CDH4: variants seen among roughly 807,000 people sequenced by gnomAD.
The protein encoded by CDH4 is cadherin-4.
A neutral mutation model predicts 86.0 loss-of-function variants in CDH4; 33 were observed. The ratio of observed to expected loss-of-function variants is 0.38; its 90% CI spans 0.29 to 0.51. The LOEUF (loss-of-function observed/expected upper bound fraction) is 0.51, where lower values mean the gene tolerates loss of function less well. CDH4 is among the 20% of genes least tolerant of loss of function. The pLI is 0.86. For synonymous variants in CDH4, 555 were observed against 549.4 expected (o/e 1.01, Z -0.14); for missense variants, 1,114 against 1,307.4 (o/e 0.85, Z 2.28).
chr20:61,863,117 G>A (rs112234026), intron 6 of CDH4, among the ~76,000 whole-genome samples: 4 of 152,324 alleles, frequency 2.6e-5, no homozygotes, highest in Non-Finnish European at 5.9e-5. Flanking sequence ...TGCAATTGAA[G>A]GCTTGTGAAA....
At chr20:61,633,972 C>T (rs1216832571) in intron 2 of CDH4, among the ~76,000 whole-genome samples, 1 of 152,186 alleles carries the variant, frequency 6.6e-6, no homozygotes, top group African/African-American at 2.4e-5. Flanking sequence ...AAAACACCAC[C>T]ACCAATCCCA....
At chr20:61,373,131 G>A (rs1185122998) in intron 2 of CDH4, among the ~76,000 whole-genome samples, 1 of 152,260 alleles carries the variant, frequency 6.6e-6, no homozygotes. Flanking sequence ...GGCAGCAGCT[G>A]TCCCTTAACT....
chr20:61,590,732 G>A (rs1006535472), intron 2 of CDH4, among the ~76,000 whole-genome samples: 2 of 152,112 alleles, frequency 1.3e-5, no homozygotes, highest in African/African-American at 4.8e-5. Context: ...CGGGACTGCA[G>A]TTATCACACC....
chr20:61,430,332 C>G (rs898608295), intron 2 of CDH4, among the ~76,000 whole-genome samples: 1 of 152,202 alleles, frequency 6.6e-6, no homozygotes, highest in African/African-American at 2.4e-5. Context: ...CAACCTCCCC[C>G]ACACCTGAGT....
intron 2 of CDH4, among the ~76,000 whole-genome samples, chr20:61,525,504 C>A (rs2085903310): frequency 1.3e-5 from 2 of 152,120 alleles, no homozygotes; most frequent in African/African-American, 4.8e-5. Flanking sequence ...GCCGTGAACC[C>A]AGGAAGTGTT....
chr20:61,271,064 C>A (rs1257217719), intron 2 of CDH4, among the ~76,000 whole-genome samples: 1 of 152,084 alleles, frequency 6.6e-6, no homozygotes, highest in African/African-American at 2.4e-5. Context: ...CAGTGACAGG[C>A]TTTTGGTAGA....
chr20:61,794,142 C>CAAAAAAA (rs59426596), intron 4 of CDH4, among the ~76,000 whole-genome samples: 1 of 121,648 alleles, frequency 8.2e-6, no homozygotes, highest in African/African-American at 3.2e-5. Context: ...GACTCTATCT[C>CAAAAAAA]AAAAAAAAAA....
intron 10 of CDH4, 30 bp from the exon 11 acceptor site, chr20:61,924,304 T>TCCCCCC: frequency 6.3e-7 from 1 of 1,574,844 alleles, no homozygotes; most frequent in South Asian, 1.1e-5. Context: ...CCCCCAGCCT[T>TCCCCCC]ACCTCCCCCT....
intron 9 of CDH4, among the ~76,000 whole-genome samples, chr20:61,921,225 A>G (rs2054979464): frequency 7.0e-6 from 1 of 142,958 alleles, no homozygotes; most frequent in African/African-American, 2.7e-5. Flanking sequence ...ACTGTGTCAC[A>G]GTAATTGCAT....
At chr20:61,836,829 G>A (rs887018282) in intron 4 of CDH4, among the ~76,000 whole-genome samples, 25 of 152,218 alleles carry the variant, frequency 1.6e-4, no homozygotes, top group African/African-American at 6.0e-4. Flanking sequence ...GCTGGACGGG[G>A]TTACAATTTT....
At chr20:61,766,768 C>T (rs539081871) in intron 3 of CDH4, among the ~76,000 whole-genome samples, 1 of 152,338 alleles carries the variant, frequency 6.6e-6, no homozygotes, top group Non-Finnish European at 1.5e-5. Context: ...TCCTGTGCCA[C>T]TGTCTGTGCC....
At chr20:61,291,216 C>T (rs1005605790) in intron 2 of CDH4, among the ~76,000 whole-genome samples, 3 of 152,202 alleles carry the variant, frequency 2.0e-5, no homozygotes, top group African/African-American at 7.2e-5. Context: ...TGGTGGCCTC[C>T]AAAAGATATG....
intron 7 of CDH4, among the ~76,000 whole-genome samples, chr20:61,885,147 C>T (rs934521173): frequency 6.6e-6 from 1 of 152,096 alleles, no homozygotes; most frequent in African/African-American, 2.4e-5. Flanking sequence ...CACGTTCGTG[C>T]CTGTGCCTTG....
chr20:61,725,738 G>T (rs960395576), intron 2 of CDH4, among the ~76,000 whole-genome samples: 1 of 152,034 alleles, frequency 6.6e-6, no homozygotes, highest in Non-Finnish European at 1.5e-5. Context: ...AGACACAAGG[G>T]GGGAGGAGGC....
chr20:61,671,129 A>T lies in CDH4; in HGVS notation c.170-72434A>T, dbSNP rs1600859433. 2.1e-5 allele frequency among the ~76,000 whole-genome samples: 3 copies of T among 142,882 alleles called. No individual in the cohort carries two copies. In the South Asian group the frequency reaches 6.3e-4, roughly 30 times the overall value. 93.7% of individuals were successfully genotyped at this position (142,882 alleles called of 152,430 possible). On this transcript the variant is annotated intron_variant, in intron 2 of 15. Transcript: ENST00000614565. ...GGATGATGAATAGGTGGATGGGTGG[A>T]TGCATGATGGTTGGGTGGATGGGTG...
intron 2 of CDH4, among the ~76,000 whole-genome samples, chr20:61,652,938 A>ATTTATTTATTT (rs1555819716): frequency 2.1e-5 from 2 of 97,402 alleles, no homozygotes; most frequent in Non-Finnish European, 4.7e-5. Context: ...TTATTTATTT[A>ATTTATTTATTT]TTTTTTTTTT....
intron 2 of CDH4, among the ~76,000 whole-genome samples, chr20:61,405,786 C>G (rs541553618): frequency 9.2e-5 from 14 of 152,132 alleles, no homozygotes; most frequent in African/African-American, 3.4e-4. Flanking sequence ...CTCCGCCTCC[C>G]TGGTTCACGC....
rs981620209 is a variant in CDH4, at chr20:61,708,273, C to T, written c.170-35290C>T. ...GCAGGGGGTTGACTTTTACCCCGAA[C>T]CAGATGTACCAAGCACCCCGCTGAC... On this transcript the variant is annotated intron_variant, in intron 2 of 15. Transcript: ENST00000614565. The surrounding 1 kb of genome is among the most constrained non-coding windows in gnomAD (Gnocchi z 4.5). Among the ~76,000 whole-genome samples the T allele has an allele frequency of 6.6e-6, 1 of 152,052 alleles. No individual in the cohort carries two copies. Among genetic ancestry groups the T allele is most frequent in the African/African-American group, 2.4e-5 (1 of 41,402 alleles).
intron 2 of CDH4, among the ~76,000 whole-genome samples, chr20:61,565,215 C>CCTCTTGGTGATGG (rs2086267597): frequency 4.9e-5 from 2 of 41,168 alleles, no homozygotes; most frequent in Non-Finnish European, 9.0e-5. Flanking sequence ...GCGGTGCTCT[C>CCTCTTGGTGATGG]GGTGGTAGGT....
Sources: allele counts gnomAD v4.1 joint callset (sites outside exome capture counted in the v4.1 genomes callset), GRCh38; gene constraint gnomAD v4.1.1; non-coding constraint Gnocchi (gnomAD v3.1); transcripts MANE v1.5; gene names NCBI Gene and HGNC (gene_info 2026-07-23, HGNC 2026-07-21).